Variants in SCUBE3 observed in about 807,000 individuals in gnomAD.
The protein encoded by SCUBE3 is signal peptide, CUB and EGF-like domain-containing protein 3.
In SCUBE3, 33 loss-of-function variants were observed where a neutral mutation model predicts 116.8. The ratio of observed to expected loss-of-function variants is 0.28; its 90% CI spans 0.21 to 0.38. The LOEUF (loss-of-function observed/expected upper bound fraction) is 0.38. Among genes scored for constraint, SCUBE3 ranks in the 10% least tolerant of loss-of-function variants. The probability of loss-of-function intolerance (pLI) is 1.00; values close to 1 mark genes in which losing one functional copy is unlikely to be tolerated. For synonymous variants in SCUBE3, 418 were observed against 496.9 expected (o/e 0.84, Z 2.11); for missense variants, 1,007 against 1,324.8 (o/e 0.76, Z 3.72).
rs559486837 is a variant in SCUBE3 at position 35,232,118 on chromosome 6, G to T, written c.469+259G>T. Among the ~76,000 whole-genome samples the T allele has an allele frequency of 2.0e-4, 30 of 152,332 alleles. No individual in the cohort carries two copies. The South Asian group carries it at 5.0e-3, about 25-fold the overall frequency. ...AGTATCCTCTGTGTCCAGACCTGAG[G>T]TGGATGTTGTCCCTAATTGTAGATG... On this transcript the variant is annotated intron_variant, in intron 4 of 21. Transcript: ENST00000274938. The surrounding 1 kb of genome is among the most constrained non-coding windows in gnomAD (Gnocchi z 4.2).
In SCUBE3 at chr6:35,242,695, C is replaced by T; in HGVS notation, c.1608C>T (p.Gly536=). 1 of 1,614,174 alleles carries T rather than the reference C, an allele frequency of 6.2e-7. No individual in the cohort carries two copies. Among genetic ancestry groups the T allele is most frequent in the Non-Finnish European group, 8.5e-7 (1 of 1,179,994 alleles). ...LKCDSSRKGK[G]RRARTPPGKE... is the part of the protein sequence containing the mutation. ...GTGACTCCTCTCGGAAGGGCAAGGGCCGACGGGCCCGGACCCCTCCAGGCA... is the reference window on the plus strand; with the variant it reads ...GTGACTCCTCTCGGAAGGGCAAGGGTCGACGGGCCCGGACCCCTCCAGGCA... Residue 536 remains glycine (G), a synonymous_variant, in exon 14 of 22, where the codon GGC becomes GGT. Coordinates refer to ENST00000274938, the MANE Select transcript of SCUBE3 (RefSeq NM_152753.4).
rs765067484 is a variant in SCUBE3 at position 35,228,616 on chromosome 6, G to A, written c.211G>A (p.Val71Met). 3.1e-6 allele frequency: 5 copies of A among 1,613,880 alleles called. No homozygotes were observed. Among genetic ancestry groups the A allele is most frequent in the East Asian group, 2.2e-5 (1 of 44,870 alleles). ...YTGDGKHCKD[V>M]DECEREDNAG... is the part of the protein sequence containing the mutation. ...TCTCAGCTTCCCTTTGCCCACAGAC[G>A]TGGATGAGTGCGAGCGAGAGGATAA... is the stretch of plus-strand genomic sequence containing the variant. The change falls in exon 3 of 22, where the codon GTG becomes ATG. Residue 71 changes from valine (V) to methionine (M), a missense_variant and splice_region_variant. This residue lies in a region of SCUBE3 where 37 missense variants were observed against 80.6 expected (regional missense o/e 0.46). Coordinates refer to ENST00000274938, the MANE Select transcript of SCUBE3 (RefSeq NM_152753.4). The surrounding 1 kb of genome is among the most constrained non-coding windows in gnomAD (Gnocchi z 4.9).
At position 35,241,904 on chromosome 6, in the gene SCUBE3, T is replaced by G; in HGVS notation, c.1411T>G (p.Cys471Gly). 1 of 1,605,878 alleles carries G rather than the reference T, an allele frequency of 6.2e-7. No individual in the cohort carries two copies. Among genetic ancestry groups the G allele is most frequent in the Middle Eastern group, 1.7e-4 (1 of 6,054 alleles). Reference protein sequence around the residue: ...HNGNSTNSNHCHEAAVLSIKQ... With the variant: ...HNGNSTNSNHGHEAAVLSIKQ... The stretch of plus-strand genomic sequence containing the variant: ...TGGGAACAGCACCAACTCCAACCAC[T>G]GCCATGGTAAGCACCAGCCCAGAAG... The change falls in exon 12 of 22, where the codon TGC becomes GGC. Residue 471 changes from cysteine to glycine, a missense_variant. Coordinates refer to ENST00000274938, the MANE Select transcript of SCUBE3 (RefSeq NM_152753.4). The surrounding 1 kb of genome is among the most constrained non-coding windows in gnomAD (Gnocchi z 4.1).
Position 35,232,878 on chromosome 6 carries a change from C to T in SCUBE3, c.498C>T (p.His166=), listed in dbSNP as rs138315730. The change falls in exon 5 of 22, where the codon CAC becomes CAT. Residue 166 remains histidine (H), a synonymous_variant. Coordinates refer to ENST00000274938, the MANE Select transcript of SCUBE3 (RefSeq NM_152753.4). The surrounding 1 kb of genome is among the most constrained non-coding windows in gnomAD (Gnocchi z 4.2). ...EEGMNCMNKN[H]GCAHICRETP... is the part of the protein sequence containing the mutation. ...GAATGAATTGCATGAACAAGAACCACGGCTGTGCCCACATTTGCCGGGAGA... is the reference window on the plus strand; with the variant it reads ...GAATGAATTGCATGAACAAGAACCATGGCTGTGCCCACATTTGCCGGGAGA... 1.8e-5 allele frequency: 29 copies of T among 1,614,096 alleles called. No individual in the cohort carries two copies. In the African/African-American group the frequency reaches 3.1e-4, roughly 17 times the overall value.
intron 1 of SCUBE3, chr6:35,223,391 G>A (rs1389471574): frequency 6.6e-6 from 1 of 152,194 alleles, no homozygotes; most frequent in African/African-American, 2.4e-5. Flanking sequence ...ACAGACACAG[G>A]TAGAGCTAGC....
At chr6:35,225,989 TTCAGTGATCAC>T (rs1475485246) in intron 1 of SCUBE3, among the ~76,000 whole-genome samples, 1 of 152,204 alleles carries the variant, frequency 6.6e-6, no homozygotes, top group Non-Finnish European at 1.5e-5. Flanking sequence ...ATGCCTCCCA[TTCAGTGATCAC>T]TCACTTGCAG....
At chr6:35,216,325 C>A (rs1562039034) in intron 1 of SCUBE3, among the ~76,000 whole-genome samples, 2 of 152,316 alleles carry the variant, frequency 1.3e-5, no homozygotes, top group Middle Eastern at 3.4e-3. Context: ...AGTGAAGGCC[C>A]CTGCCCTCAA....
At chr6:35,227,020 A>G (rs969099790) in intron 1 of SCUBE3, among the ~76,000 whole-genome samples, 8 of 152,264 alleles carry the variant, frequency 5.3e-5, no homozygotes, top group African/African-American at 1.7e-4. Flanking sequence ...ATCATCCAGG[A>G]TGGAACATTT....
Position 35,246,003 on chromosome 6 carries a change from T to C in SCUBE3, c.2659T>C (p.Phe887Leu). The stretch of plus-strand genomic sequence containing the variant: ...CCAGACCTACGAGCGTCCCATTGCC[T>C]TCACTGCCCGTTCCAGGAAGCTCTG... ...TCQTYERPIAFTARSRKLWIN... is the reference protein window; with the variant it reads ...TCQTYERPIALTARSRKLWIN... The change falls in exon 20 of 22, where the codon TTC becomes CTC. Residue 887 changes from phenylalanine (F) to leucine (L), a missense_variant. Transcript: ENST00000274938. 1 of 1,614,150 alleles carries C rather than the reference T, an allele frequency of 6.2e-7. No homozygotes were observed. Among genetic ancestry groups the C allele is most frequent in the Non-Finnish European group, 8.5e-7 (1 of 1,180,008 alleles).
At chr6:35,220,954 C>G (rs1488882098) in intron 1 of SCUBE3, 1 of 152,238 alleles carries the variant, frequency 6.6e-6, no homozygotes, top group Admixed American at 6.5e-5. Context: ...GGAAGACAGC[C>G]TGGTACTCCA....
Position 35,231,149 on chromosome 6 carries a change from G to T in SCUBE3, c.335-576G>T, listed in dbSNP as rs574621132. ...AATATGGCAGCAAGCCCAGGCACAGGGGGGAGGGGAGGAAGGACAGGGCTG... is the reference window on the plus strand; with the variant it reads ...AATATGGCAGCAAGCCCAGGCACAGTGGGGAGGGGAGGAAGGACAGGGCTG... On this transcript the variant is annotated intron_variant, in intron 3 of 21. Transcript: ENST00000274938. The surrounding 1 kb of genome is among the most constrained non-coding windows in gnomAD (Gnocchi z 4.2). 4.6e-5 allele frequency among the ~76,000 whole-genome samples: 7 copies of T among 152,136 alleles called. No individual in the cohort carries two copies. Among genetic ancestry groups the T allele is most frequent in the Non-Finnish European group, 1.0e-4 (7 of 68,006 alleles).
Position 35,245,403 on chromosome 6 carries a change from C to T in SCUBE3, c.2577C>T (p.Asp859=), listed in dbSNP as rs761780381. The change falls in exon 19 of 22, where the codon GAC becomes GAT. Residue 859 remains aspartate (D), a synonymous_variant. Coordinates refer to ENST00000274938, the MANE Select transcript of SCUBE3 (RefSeq NM_152753.4). This position sits in a 1 kb window ranked among gnomAD's most constrained non-coding sequence, Gnocchi z 4.2. ...IFLPSEDECG[D]VLVMRKNSSP... ...TGCCATCTGAGGATGAGTGTGGGGA[C>T]GTCCTCGTCATGAGAAAGAACTGTG... 27 of 1,613,956 alleles carry T rather than the reference C, an allele frequency of 1.7e-5. No individual in the cohort carries two copies. Among genetic ancestry groups the T allele is most frequent in the East Asian group, 2.2e-5 (1 of 44,894 alleles).
At chr6:35,234,748 G>A (rs1239462449) in intron 6 of SCUBE3, among the ~76,000 whole-genome samples, 1 of 152,208 alleles carries the variant, frequency 6.6e-6, no homozygotes, top group Non-Finnish European at 1.5e-5. Flanking sequence ...GGGATGTGAA[G>A]GTCTGATCCC....
chr6:35,239,962 C>A lies in SCUBE3; in HGVS notation c.952+88C>A. On this transcript the variant is annotated intron_variant, in intron 8 of 21. Coordinates refer to ENST00000274938, the MANE Select transcript of SCUBE3 (RefSeq NM_152753.4). This position sits in a 1 kb window ranked among gnomAD's most constrained non-coding sequence, Gnocchi z 4.1. ...GGCCAGAGGGCTAAAGTCTTAGAAACTCAATAGATATCACACAGAGTCTCT... is the reference window on the plus strand; with the variant it reads ...GGCCAGAGGGCTAAAGTCTTAGAAAATCAATAGATATCACACAGAGTCTCT... The A allele has an allele frequency of 8.6e-7, 1 of 1,168,442 alleles. No individual in the cohort carries two copies. The highest frequency in any genetic ancestry group is 1.2e-6 in the Non-Finnish European group (1 of 845,744). 72.4% of individuals were successfully genotyped at this position (1,168,442 alleles called of 1,614,324 possible).
chr6:35,233,050 G>C lies in SCUBE3; in HGVS notation c.595+75G>C. ...ATAGAGGAAGGGTATAGGGCTTCAG[G>C]AGCAAGAGGACAGGGCTGGGAGGAA... On this transcript the variant is annotated intron_variant, in intron 5 of 21. Coordinates refer to ENST00000274938, the MANE Select transcript of SCUBE3 (RefSeq NM_152753.4). This position sits in a 1 kb window ranked among gnomAD's most constrained non-coding sequence, Gnocchi z 5.7. 6.4e-7 allele frequency: 1 copy of C among 1,571,440 alleles called. No individual in the cohort carries two copies. Among genetic ancestry groups the C allele is most frequent in the Non-Finnish European group, 8.7e-7 (1 of 1,145,736 alleles).
Position 35,243,175 on chromosome 6 carries a change from G to A in SCUBE3, c.1848G>A (p.Gly616=). Residue 616 remains glycine (G), a synonymous_variant, in exon 15 of 22, where the codon GGG becomes GGA. Coordinates refer to ENST00000274938, the MANE Select transcript of SCUBE3 (RefSeq NM_152753.4). This position sits in a 1 kb window ranked among gnomAD's most constrained non-coding sequence, Gnocchi z 6.6. The part of the protein sequence containing the change: ...ELAHKPGLVA[G]ERAEPMESCR... ...CCCACAAGCCGGGCCTGGTAGCCGGGGAGCGAGCAGAGCCGATGGAGTCCT... is the reference window on the plus strand; with the variant it reads ...CCCACAAGCCGGGCCTGGTAGCCGGAGAGCGAGCAGAGCCGATGGAGTCCT... 9.3e-6 allele frequency: 15 copies of A among 1,614,230 alleles called. No individual in the cohort carries two copies. Among genetic ancestry groups the A allele is most frequent in the Non-Finnish European group, 1.3e-5 (15 of 1,180,038 alleles).
intron 1 of SCUBE3, chr6:35,218,161 G>A: frequency 1.0e-6 from 1 of 985,206 alleles, no homozygotes; most frequent in South Asian, 4.7e-5. Context: ...TGAGATGTGA[G>A]CAGCTGGGAC....
intron 21 of SCUBE3, among the ~76,000 whole-genome samples, chr6:35,247,330 C>T (rs1182041834): frequency 4.7e-5 from 7 of 150,416 alleles, no homozygotes; most frequent in African/African-American, 1.7e-4. Flanking sequence ...CCCAGCTACT[C>T]GGGACCCTGA....
At position 35,248,696 on chromosome 6, in the gene SCUBE3, C is replaced by A. The variant is rs1269876280; in HGVS notation, c.2973C>A (p.Pro991=). 1.9e-6 allele frequency: 3 copies of A among 1,614,000 alleles called. No individual in the cohort carries two copies. The highest frequency in any genetic ancestry group is 2.5e-6 in the Non-Finnish European group (3 of 1,179,952). ...LRSKVSSFLR[P]YK is the part of the protein sequence containing the mutation. The stretch of plus-strand genomic sequence containing the variant: ...CCAAAGTTTCCAGCTTCCTGAGGCC[C>A]TACAAATAGTAACCCTAGGCTCAGA... The change falls in exon 22 of 22, where the codon CCC becomes CCA. Residue 991 remains proline, a synonymous_variant. Transcript: ENST00000274938.
Sources: gnomAD v4.1 joint callset for allele counts (sites outside exome capture counted in the v4.1 genomes callset) on GRCh38, gnomAD v4.1.1 for gene constraint, gnomAD v4.1.1 regional missense constraint, Gnocchi (gnomAD v3.1) non-coding constraint, MANE v1.5 for transcripts, NCBI Gene and HGNC (gene_info 2026-07-23, HGNC 2026-07-21) for gene names.